Variants in ZHX2 observed in about 807,000 individuals in gnomAD.
ZHX2 encodes zinc fingers and homeoboxes 2, also known as zinc fingers and homeoboxes protein 2.
A neutral mutation model predicts 21.9 loss-of-function variants in ZHX2; 6 were observed. That is an observed-to-expected ratio of 0.27 (90% CI 0.15 to 0.54). The LOEUF is 0.54. ZHX2 is among the 20% of genes least tolerant of loss of function. ZHX2 has a pLI of 0.95. For missense variants in ZHX2, 908 were observed against 1,090.7 expected (o/e 0.83, Z 2.36); for synonymous variants, 434 against 437.1 (o/e 0.99, Z 0.09).
intron 2 of ZHX2, among the ~76,000 whole-genome samples, chr8:122,909,260 C>A (rs150208759): frequency 2.0e-5 from 3 of 151,882 alleles, no homozygotes; most frequent in African/African-American, 4.8e-5. Flanking sequence ...GTGAAACCCC[C>A]GTCTCTACTA....
intron 1 of ZHX2, among the ~76,000 whole-genome samples, chr8:122,797,019 A>T (rs915111375): frequency 1.3e-5 from 2 of 152,080 alleles, no homozygotes; most frequent in African/African-American, 4.8e-5. Flanking sequence ...TCACTTAACG[A>T]TCCTCAATAG....
At chr8:122,852,012 A>AT (rs1332600919) in intron 1 of ZHX2, among the ~76,000 whole-genome samples, 27 of 152,302 alleles carry the variant, frequency 1.8e-4, no homozygotes, top group African/African-American at 4.8e-4. Context: ...TTCCTGTTTA[A>AT]TTTTTTAAAT....
chr8:122,867,243 C>T (rs898593394), intron 2 of ZHX2, among the ~76,000 whole-genome samples: 1 of 152,196 alleles, frequency 6.6e-6, no homozygotes, highest in Admixed American at 6.5e-5. Context: ...CCTCATTAAT[C>T]TGGACCACTT....
At chr8:122,854,023 C>T (rs1384014003) in intron 1 of ZHX2, among the ~76,000 whole-genome samples, 3 of 152,160 alleles carry the variant, frequency 2.0e-5, no homozygotes, top group Non-Finnish European at 4.4e-5. Flanking sequence ...AATGGTATAC[C>T]TCTCTACATA....
intron 2 of ZHX2, among the ~76,000 whole-genome samples, chr8:122,876,066 T>TCCAC (rs1554629979): frequency 2.3e-5 from 3 of 131,576 alleles, no homozygotes; most frequent in African/African-American, 8.7e-5. Flanking sequence ...CACCTACCCA[T>TCCAC]CCACCCACCC....
intron 2 of ZHX2, among the ~76,000 whole-genome samples, chr8:122,949,690 C>T (rs1813062898): frequency 1.3e-5 from 2 of 152,084 alleles, no homozygotes; most frequent in Non-Finnish European, 2.9e-5. Context: ...CATGGCAAAA[C>T]CCTGTCTCTA....
rs181861674 is a variant in ZHX2, at chr8:122,879,494, T to C, written c.-220+15955T>C. ...TGCTGGGATTATAGGTATGAGCCAC[T>C]GCACCGGGCTGGTTTTTTTTTTTTT... is the stretch of plus-strand genomic sequence containing the variant. On this transcript the variant is annotated intron_variant, in intron 2 of 3. Coordinates refer to ENST00000314393, the MANE Select transcript of ZHX2 (RefSeq NM_014943.5). Among the ~76,000 whole-genome samples the C allele has an allele frequency of 7.4e-4, 107 of 144,440 alleles. 1 individual carries two copies. The highest frequency in any genetic ancestry group is 9.8e-4 in the Non-Finnish European group (66 of 67,270). The allele number at this position is 144,440 out of a possible 152,430, so 94.8% of individuals were successfully genotyped here. A position where few individuals can be genotyped will look rare whatever the true frequency, so the allele number is the denominator to read the frequency against.
At chr8:122,878,562 C>T (rs746633931) in intron 2 of ZHX2, among the ~76,000 whole-genome samples, 1 of 152,202 alleles carries the variant, frequency 6.6e-6, no homozygotes, top group Non-Finnish European at 1.5e-5. Flanking sequence ...GGCAGAGGAG[C>T]GAGGGTGCTT....
chr8:122,814,991 C>T (rs745622520), intron 1 of ZHX2, among the ~76,000 whole-genome samples: 2 of 152,178 alleles, frequency 1.3e-5, no homozygotes, highest in Admixed American at 6.5e-5. Context: ...GATGTTCCTG[C>T]CTTTCTTGAG....
chr8:122,858,300 T>C (rs756000301), intron 1 of ZHX2, among the ~76,000 whole-genome samples: 2 of 152,196 alleles, frequency 1.3e-5, no homozygotes, highest in Non-Finnish European at 2.9e-5. Flanking sequence ...GTCTGCTAAA[T>C]GTTTGCTGAA....
chr8:122,957,785 G>C (rs1453883060), intron 3 of ZHX2, among the ~76,000 whole-genome samples: 1 of 152,088 alleles, frequency 6.6e-6, no homozygotes, highest in Non-Finnish European at 1.5e-5. Flanking sequence ...GAGTTCCATG[G>C]TATTGAGAAA....
intron 1 of ZHX2, among the ~76,000 whole-genome samples, chr8:122,846,073 GT>G (rs1818744458): frequency 7.1e-6 from 1 of 141,742 alleles, no homozygotes; most frequent in African/African-American, 3.2e-5. Context: ...TGGAGGTAAA[GT>G]AGACAGATTC....
intron 1 of ZHX2, among the ~76,000 whole-genome samples, chr8:122,794,591 C>T (rs1563732625): frequency 1.3e-5 from 2 of 152,122 alleles, no homozygotes; most frequent in Admixed American, 1.3e-4. Context: ...TTTTAATGGA[C>T]TCTCCAGTCC....
rs758117854 is a variant in ZHX2, at chr8:122,828,499, G to A, written c.-282-34978G>A. On this transcript the variant is annotated intron_variant, in intron 1 of 3. Coordinates refer to ENST00000314393, the MANE Select transcript of ZHX2 (RefSeq NM_014943.5). This position sits in a 1 kb window ranked among gnomAD's most constrained non-coding sequence, Gnocchi z 5.2. ...AACCCAGGAAGACAGGGAGAGCTGC[G>A]GCCCACGAATGCATCTACCAGTGTG... Among the ~76,000 whole-genome samples, 11 of 152,176 alleles carry A rather than the reference G, an allele frequency of 7.2e-5. No individual in the cohort carries two copies. The highest frequency in any genetic ancestry group is 2.4e-4 in the African/African-American group (10 of 41,432).
rs1485750297 is a variant in ZHX2 at position 122,938,473 on chromosome 8, GA to G, written c.-219-12818del. On this transcript the variant is annotated intron_variant, in intron 2 of 3. Coordinates refer to ENST00000314393, the MANE Select transcript of ZHX2 (RefSeq NM_014943.5). ...TGGGATGGATGAGTTCACCAAGAAG[GA>G]TGGAGAGGAGACGGATGAGAAGAGC... Among the ~76,000 whole-genome samples, 3 of 152,172 alleles carry G rather than the reference GA, an allele frequency of 2.0e-5. No homozygotes were observed. The East Asian group carries it at 5.8e-4, about 29-fold the overall frequency.
chr8:122,868,675 T>C (rs1458392927), intron 2 of ZHX2, among the ~76,000 whole-genome samples: 1 of 129,016 alleles, frequency 7.8e-6, no homozygotes, highest in Non-Finnish European at 1.6e-5. Context: ...CACTCCAGCC[T>C]GGGTGGCAGA....
intron 2 of ZHX2, among the ~76,000 whole-genome samples, chr8:122,934,937 C>T (rs886521092): frequency 6.6e-6 from 1 of 152,198 alleles, no homozygotes; most frequent in Non-Finnish European, 1.5e-5. Context: ...ATCCACCCTC[C>T]TTGGCCTCCC....
At chr8:122,864,507 G>C (rs1013661020) in intron 2 of ZHX2, among the ~76,000 whole-genome samples, 2 of 152,026 alleles carry the variant, frequency 1.3e-5, no homozygotes, top group African/African-American at 4.8e-5. Context: ...GAGGCTCTGG[G>C]GAGCCTATCT....
chr8:122,834,512 G>C (rs1030234329), intron 1 of ZHX2, among the ~76,000 whole-genome samples: 2 of 152,242 alleles, frequency 1.3e-5, no homozygotes, highest in South Asian at 4.1e-4. Flanking sequence ...ATGGCCCCGT[G>C]GGCCTGCAGG....
Sources: gnomAD v4.1 joint callset for allele counts (sites outside exome capture counted in the v4.1 genomes callset) on GRCh38, gnomAD v4.1.1 for gene constraint, Gnocchi (gnomAD v3.1) non-coding constraint, MANE v1.5 for transcripts, NCBI Gene and HGNC (gene_info 2026-07-23, HGNC 2026-07-21) for gene names.